CDK14: variants seen among roughly 807,000 people sequenced by gnomAD.
CDK14 encodes cyclin-dependent kinase 14.
Under a neutral mutation model 60.7 loss-of-function variants are expected in CDK14, and 34 were observed. The ratio of observed to expected loss-of-function variants is 0.56; its 90% CI spans 0.43 to 0.75. The LOEUF (loss-of-function observed/expected upper bound fraction) is 0.75. Among genes scored for constraint, CDK14 ranks in the 30% least tolerant of loss-of-function variants. The pLI is 0.00. For missense variants in CDK14, 482 were observed against 564.1 expected, an observed-to-expected ratio of 0.85 and a Z score of 1.47; for synonymous variants, 197 against 203.7, an observed-to-expected ratio of 0.97 and a Z score of 0.28.
chr7:90,873,311 T>C (rs958276232), intron 6 of CDK14, among the ~76,000 whole-genome samples: 3 of 152,144 alleles, frequency 2.0e-5, no homozygotes, highest in Admixed American at 6.5e-5. Context: ...AATAGGTCAT[T>C]AAGTAATTGA....
intron 6 of CDK14, among the ~76,000 whole-genome samples, chr7:90,895,383 C>T (rs1268904225): frequency 3.4e-3 from 20 of 5,912 alleles, no homozygotes; most frequent in African/African-American, 0.015. Flanking sequence ...CCCCTCTCCT[C>T]TCCTCTCCTC....
intron 4 of CDK14, among the ~76,000 whole-genome samples, chr7:90,757,868 G>C (rs551078347): frequency 3.3e-5 from 5 of 152,208 alleles, no homozygotes; most frequent in Non-Finnish European, 7.3e-5. Flanking sequence ...TTCCCAAAAT[G>C]TTGGGATTAC....
At chr7:90,742,745 T>C (rs2116786315) in intron 3 of CDK14, among the ~76,000 whole-genome samples, 2 of 152,170 alleles carry the variant, frequency 1.3e-5, no homozygotes, top group Non-Finnish European at 2.9e-5. Flanking sequence ...CATGCTCTCA[T>C]TGACACATAT....
chr7:91,098,033 G>C (rs1019566726), intron 12 of CDK14, among the ~76,000 whole-genome samples: 1 of 152,066 alleles, frequency 6.6e-6, no homozygotes, highest in Non-Finnish European at 1.5e-5. Context: ...GCATTGAGAG[G>C]GATTCTGACA....
intron 8 of CDK14, among the ~76,000 whole-genome samples, chr7:90,926,741 A>G (rs1382877434): frequency 1.3e-5 from 2 of 152,156 alleles, no homozygotes; most frequent in East Asian, 3.9e-4. Flanking sequence ...GACACTAACT[A>G]CGCAGTAGCA....
intron 11 of CDK14, among the ~76,000 whole-genome samples, chr7:91,048,104 A>T (rs996474892): frequency 6.6e-6 from 1 of 152,172 alleles, no homozygotes; most frequent in African/African-American, 2.4e-5. Context: ...GCAATTAAAA[A>T]TATCAAGCAA....
intron 5 of CDK14, among the ~76,000 whole-genome samples, chr7:90,805,365 G>A (rs1036192748): frequency 2.0e-5 from 3 of 151,916 alleles, no homozygotes; most frequent in Non-Finnish European, 4.4e-5. Context: ...TGTAAAAAAT[G>A]TTCGTTACAA....
rs182308137 is a variant in CDK14 at position 90,700,715 on chromosome 7, A to G, written c.124-25852A>G. ...TTATTGAATTCTCTGTGACTCTAGTATTCAGAATTTGATTACCTAAAGTGA... is the reference window on the plus strand; with the variant it reads ...TTATTGAATTCTCTGTGACTCTAGTGTTCAGAATTTGATTACCTAAAGTGA... On this transcript the variant is annotated intron_variant, in intron 2 of 14. Coordinates refer to ENST00000380050, the MANE Select transcript of CDK14 (RefSeq NM_001287135.2). 3.3e-5 allele frequency among the ~76,000 whole-genome samples: 5 copies of G among 152,306 alleles called. No individual in the cohort carries two copies. In the East Asian group the frequency reaches 9.7e-4, roughly 29 times the overall value.
intron 14 of CDK14, among the ~76,000 whole-genome samples, chr7:91,122,777 C>T (rs1192574762): frequency 6.6e-6 from 1 of 152,144 alleles, no homozygotes; most frequent in African/African-American, 2.4e-5. Context: ...GATTCAAACC[C>T]TCCCAGAGAG....
intron 14 of CDK14, among the ~76,000 whole-genome samples, chr7:91,176,391 T>A (rs1321651178): frequency 1.3e-5 from 2 of 151,768 alleles, no homozygotes; most frequent in African/African-American, 4.8e-5. Context: ...AACATCACAA[T>A]TAAAAGAACT....
chr7:91,057,621 T>G (rs1461843428), intron 11 of CDK14, among the ~76,000 whole-genome samples: 3 of 152,260 alleles, frequency 2.0e-5, no homozygotes, highest in Non-Finnish European at 4.4e-5. Context: ...GCTTTCTACA[T>G]ATGGCTAGCC....
At chr7:90,707,736 G>A (rs1234335632) in intron 2 of CDK14, among the ~76,000 whole-genome samples, 1 of 152,050 alleles carries the variant, frequency 6.6e-6, no homozygotes, top group East Asian at 1.9e-4. Flanking sequence ...TTCCCCAAAT[G>A]TCCTTCTTCT....
chr7:90,850,185 G>A (rs11767390), intron 5 of CDK14, among the ~76,000 whole-genome samples: 40,753 of 151,880 alleles, frequency 0.27, 5,832 homozygotes, highest in South Asian at 0.31. Flanking sequence ...TTTTTTATCA[G>A]TGTATTCAGG....
intron 10 of CDK14, among the ~76,000 whole-genome samples, chr7:91,019,236 T>C (rs1178593271): frequency 6.6e-6 from 1 of 152,162 alleles, no homozygotes; most frequent in Non-Finnish European, 1.5e-5. Flanking sequence ...ATCCCCATCA[T>C]CCCTGGTAGA....
rs542631319 is a variant in CDK14 at position 90,838,107 on chromosome 7, G to A, written c.545-25068G>A. On this transcript the variant is annotated intron_variant, in intron 5 of 14. Transcript: ENST00000380050. ...AAATGGAGGGACCGGCTGAAGCTGC[G>A]GCAGAAGAACATAAATTGTGAAGAT... 3.9e-5 allele frequency among the ~76,000 whole-genome samples: 6 copies of A among 152,166 alleles called. No homozygotes were observed. In the East Asian group the frequency reaches 7.8e-4, roughly 20 times the overall value.
chr7:90,908,144 AAT>A (rs1792772807), intron 7 of CDK14, among the ~76,000 whole-genome samples: 1 of 152,128 alleles, frequency 6.6e-6, no homozygotes, highest in Non-Finnish European at 1.5e-5. Flanking sequence ...TTTTTATTAT[AAT>A]AAAATAATCT....
chr7:91,184,444 C>T (rs1416754642), intron 14 of CDK14, among the ~76,000 whole-genome samples: 3 of 152,070 alleles, frequency 2.0e-5, no homozygotes, highest in East Asian at 3.9e-4. Flanking sequence ...CTGAGGAGGA[C>T]TAAGGAGGCA....
chr7:90,863,151 T>C (rs752948013), intron 5 of CDK14, 24 bp from the exon 6 acceptor site: 1 of 1,329,724 alleles, frequency 7.5e-7, no homozygotes, highest in South Asian at 1.2e-5. Context: ...GATAAATTGT[T>C]TCTCTGTCCA....
chr7:90,829,827 G>A (rs1411260830), intron 5 of CDK14, among the ~76,000 whole-genome samples: 5 of 152,116 alleles, frequency 3.3e-5, no homozygotes, highest in Non-Finnish European at 5.9e-5. Flanking sequence ...GACACTGCCC[G>A]GCTAGTCATT....
Sources: gnomAD v4.1 joint callset for allele counts (sites outside exome capture counted in the v4.1 genomes callset) on GRCh38, gnomAD v4.1.1 for gene constraint, MANE v1.5 for transcripts, NCBI Gene and HGNC (gene_info 2026-07-23, HGNC 2026-07-21) for gene names.